SEMA5B: variants seen among roughly 807,000 people sequenced by gnomAD.
SEMA5B encodes semaphorin 5B, also known as semaphorin-5B.
A neutral mutation model predicts 135.0 loss-of-function variants in SEMA5B; 66 were observed. The observed-to-expected ratio is 0.49, with a 90% confidence interval of 0.40 to 0.60. SEMA5B has a LOEUF of 0.60. SEMA5B is among the 20% of genes least tolerant of loss of function. The probability of loss-of-function intolerance (pLI) is 0.00; values close to 1 mark genes in which losing one functional copy is unlikely to be tolerated. For missense variants in SEMA5B, 1,501 were observed against 1,566.3 expected (o/e 0.96, Z 0.70); for synonymous variants, 690 against 639.5 (o/e 1.08, Z -1.19).
At chr3:122,995,042 G>A (rs1941993424) in intron 1 of SEMA5B, among the ~76,000 whole-genome samples, 3 of 152,156 alleles carry the variant, frequency 2.0e-5, no homozygotes, top group Admixed American at 1.3e-4. Context: ...TAAACCCAGA[G>A]AGAAGAGGCA....
chr3:122,911,068 T>G (rs1576324751), intron 21 of SEMA5B, 23 bp from the exon 22 acceptor site: 7 of 1,582,652 alleles, frequency 4.4e-6, no homozygotes, highest in Non-Finnish European at 6.1e-6. Context: ...AGGCAGGTAG[T>G]AAGATGAGGG....
intron 5 of SEMA5B, among the ~76,000 whole-genome samples, chr3:122,931,027 G>A (rs1189726834): frequency 4.0e-5 from 6 of 151,618 alleles, no homozygotes; most frequent in Admixed American, 1.3e-4. Flanking sequence ...TGGCTTTTTT[G>A]AGACCATTTA....
At chr3:122,991,283 G>T (rs1397812698) in intron 1 of SEMA5B, among the ~76,000 whole-genome samples, 1 of 152,180 alleles carries the variant, frequency 6.6e-6, no homozygotes, top group African/African-American at 2.4e-5. Flanking sequence ...GTCCAGACAT[G>T]GTTACACTTC....
chr3:122,982,579 A>G (rs1941552704), intron 1 of SEMA5B, among the ~76,000 whole-genome samples: 2 of 152,108 alleles, frequency 1.3e-5, no homozygotes, highest in South Asian at 2.1e-4. Flanking sequence ...TCAACAGCCA[A>G]CTTTTTATTT....
intron 1 of SEMA5B, among the ~76,000 whole-genome samples, chr3:123,001,219 C>G (rs1384436571): frequency 6.6e-6 from 1 of 152,172 alleles, no homozygotes; most frequent in Non-Finnish European, 1.5e-5. Context: ...GGAATGACCA[C>G]AGCATCCCCA....
intron 1 of SEMA5B, among the ~76,000 whole-genome samples, chr3:122,991,970 G>A (rs16833744): frequency 0.06 from 9,152 of 152,136 alleles, 606 homozygotes; most frequent in African/African-American, 0.17. Flanking sequence ...AACCCGTTAC[G>A]GATACAGGAA....
chr3:122,995,954 G>A (rs1404282661), intron 1 of SEMA5B, among the ~76,000 whole-genome samples: 1 of 152,232 alleles, frequency 6.6e-6, no homozygotes, highest in African/African-American at 2.4e-5. Context: ...TCAAGGGCTG[G>A]AGCCTGGCTG....
chr3:122,992,762 G>C (rs1941917320), intron 1 of SEMA5B: 1 of 152,238 alleles, frequency 6.6e-6, no homozygotes, highest in African/African-American at 2.4e-5. Flanking sequence ...AACGCAGAAA[G>C]GGACATGTGT....
At chr3:123,025,909 G>A (rs998002734) in intron 1 of SEMA5B, among the ~76,000 whole-genome samples, 3 of 152,218 alleles carry the variant, frequency 2.0e-5, no homozygotes, top group South Asian at 2.1e-4. Flanking sequence ...CCCCTTTTCC[G>A]TAATCTTGAG....
At chr3:122,940,527 T>A in intron 4 of SEMA5B, among the ~76,000 whole-genome samples, 1 of 152,246 alleles carries the variant, frequency 6.6e-6, no homozygotes, top group East Asian at 1.9e-4. Context: ...CTATTCCTAT[T>A]TTGGTTCCTA....
intron 1 of SEMA5B, among the ~76,000 whole-genome samples, chr3:122,991,834 T>C (rs770026521): frequency 6.6e-6 from 1 of 152,106 alleles, no homozygotes; most frequent in Non-Finnish European, 1.5e-5. Flanking sequence ...AACATACTCA[T>C]GGTATGAGAC....
intron 2 of SEMA5B, 36 bp from the exon 3 acceptor site, chr3:122,948,745 C>T (rs1410450058): frequency 1.3e-6 from 2 of 1,523,764 alleles, no homozygotes; most frequent in Non-Finnish European, 1.8e-6. Flanking sequence ...CAAGCGCTCC[C>T]TCCAACTGGG....
At chr3:123,008,218 C>T (rs934899012) in intron 1 of SEMA5B, among the ~76,000 whole-genome samples, 1 of 152,190 alleles carries the variant, frequency 6.6e-6, no homozygotes, top group South Asian at 2.1e-4. Flanking sequence ...AAATCACTTG[C>T]AACTTATCCA....
chr3:123,007,381 G>A (rs542368960), intron 1 of SEMA5B, among the ~76,000 whole-genome samples: 1 of 152,294 alleles, frequency 6.6e-6, no homozygotes, highest in South Asian at 2.1e-4. Context: ...CCTCACTTGA[G>A]AGCTAAGTGA....
intron 12 of SEMA5B, among the ~76,000 whole-genome samples, chr3:122,916,304 C>T (rs1007257390): frequency 3.3e-5 from 5 of 152,224 alleles, no homozygotes; most frequent in Non-Finnish European, 7.3e-5. Context: ...CTCCCTGGCA[C>T]ATGCTATGAT....
chr3:122,912,824 T>G lies in SEMA5B; in HGVS notation c.2725+19A>C. The G allele has an allele frequency of 3.3e-6, 5 of 1,533,368 alleles. No homozygotes were observed. Among genetic ancestry groups the G allele is most frequent in the Non-Finnish European group, 4.4e-6 (5 of 1,137,982 alleles). The allele number at this position is 1,533,368 out of a possible 1,614,324, so 95.0% of individuals were successfully genotyped here. On this transcript the variant is annotated intron_variant, in intron 18 of 22. Coordinates refer to ENST00000357599, the MANE Select transcript of SEMA5B (RefSeq NM_001031702.4). ...GACAGGGTTTCGCTAGGCCAAGGAT[T>G]CCTTCCGTGCAGGGTTACCTGGGCA...
At chr3:122,932,243 ATTTTTTTTTTTTTTT>A (rs71136597) in intron 5 of SEMA5B, among the ~76,000 whole-genome samples, 1 of 85,380 alleles carries the variant, frequency 1.2e-5, no homozygotes, top group African/African-American at 4.6e-5. Flanking sequence ...TCTCAATATG[ATTTTTTTTTTTTTTT>A]TTTTTTTTTT....
intron 2 of SEMA5B, among the ~76,000 whole-genome samples, chr3:122,954,215 A>T (rs1465672721): frequency 6.6e-6 from 1 of 152,134 alleles, no homozygotes; most frequent in East Asian, 1.9e-4. Flanking sequence ...CTCTGTGCCC[A>T]CCGTGGGGCA....
At position 122,943,462 on chromosome 3, in the gene SEMA5B, G is replaced by C. The variant is rs372179097; in HGVS notation, c.402C>G (p.Ser134=). ...RDFSQLALDP[S]GNQLIVGARN... ...TGGCTCCCACGATGAGCTGGTTCCC[G>C]GAGGGGTCCAAAGCCAGCTGGGAGA... Residue 134 remains serine (S), a synonymous_variant, in exon 4 of 23, where the codon TCC becomes TCG. Transcript: ENST00000357599. The C allele has an allele frequency of 6.2e-7, 1 of 1,608,606 alleles. No individual in the cohort carries two copies. Among genetic ancestry groups the C allele is most frequent in the Non-Finnish European group, 8.5e-7 (1 of 1,178,212 alleles).
Sources: allele counts gnomAD v4.1 joint callset (sites outside exome capture counted in the v4.1 genomes callset), GRCh38; gene constraint gnomAD v4.1.1; transcripts MANE v1.5; gene names NCBI Gene and HGNC (gene_info 2026-07-23, HGNC 2026-07-21).